The following CDC123 variants were observed in gnomAD, a reference collection of about 807,000 sequenced individuals.
The protein encoded by CDC123 is cell division cycle 123, also known as translation initiation factor eIF2 assembly protein.
CDC123 carries 37 observed loss-of-function variants against 54.4 expected under a neutral mutation model. The ratio of observed to expected loss-of-function variants is 0.68; its 90% CI spans 0.52 to 0.89. CDC123 has a LOEUF of 0.89. CDC123 is among the 40% of genes least tolerant of loss of function. The pLI, the probability that CDC123 is intolerant of heterozygous loss-of-function variation, is 0.00. For missense variants in CDC123, 361 were observed against 412.1 expected (o/e 0.88, Z 1.07); for synonymous variants, 144 against 136.8 (o/e 1.05, Z -0.37).
chr10:12,227,199 G>A (rs1406957699), intron 6 of CDC123, among the ~76,000 whole-genome samples: 1 of 151,832 alleles, frequency 6.6e-6, no homozygotes, highest in Non-Finnish European at 1.5e-5. Context: ...GAGCCGAGAT[G>A]GCGGCACTAC....
At chr10:12,226,033 C>A (rs1426140319) in intron 6 of CDC123, among the ~76,000 whole-genome samples, 9 of 151,992 alleles carry the variant, frequency 5.9e-5, no homozygotes, top group African/African-American at 2.2e-4. Context: ...ATCCATTTAA[C>A]CCTTCGTGGA....
chr10:12,233,278 T>TACACACAC (rs57596982), intron 7 of CDC123, among the ~76,000 whole-genome samples: 21,916 of 145,476 alleles, frequency 0.15, 1,799 homozygotes, highest in Non-Finnish European at 0.19. Context: ...GTATTTAAAA[T>TACACACAC]ACACACACAC....
intron 6 of CDC123, among the ~76,000 whole-genome samples, chr10:12,221,114 T>A (rs1358826673): frequency 6.6e-6 from 1 of 151,788 alleles, no homozygotes; most frequent in East Asian, 1.9e-4. Context: ...TTATGTTGTT[T>A]ATACTATTTT....
intron 5 of CDC123, among the ~76,000 whole-genome samples, chr10:12,217,113 A>G (rs1317354483): frequency 1.3e-5 from 2 of 152,198 alleles, no homozygotes; most frequent in Non-Finnish European, 2.9e-5. Context: ...AACACTGGGA[A>G]GTACTTAGGC....
intron 2 of CDC123, 135 bp from the exon 3 acceptor site, chr10:12,209,832 A>T: frequency 1.3e-6 from 1 of 767,136 alleles, no homozygotes; most frequent in Non-Finnish European, 2.2e-6. Context: ...CCAGAGTGCT[A>T]GGATTACAGG....
At chr10:12,219,689 G>GT (rs1430734040) in intron 6 of CDC123, among the ~76,000 whole-genome samples, 4 of 22,992 alleles carry the variant, frequency 1.7e-4, no homozygotes, top group East Asian at 7.0e-4. Context: ...AACTGATAAT[G>GT]GTTTTTTTTT....
intron 2 of CDC123, among the ~76,000 whole-genome samples, chr10:12,206,423 AGT>A (rs1489790303): frequency 2.6e-5 from 4 of 152,260 alleles, no homozygotes; most frequent in African/African-American, 9.6e-5. Flanking sequence ...ACACGCTGAC[AGT>A]GTGTTAGTAT....
rs1238250507 is a variant in CDC123, at chr10:12,209,960, T to G, written c.147-7T>G. On this transcript the variant is annotated splice_polypyrimidine_tract_variant and splice_region_variant and intron_variant, in intron 2 of 12. Transcript: ENST00000281141. ...TTCTTTCTTGATGTTTGTTTGTGTT[T>G]TTTTAGGGATGATCCACCAACACAT... 1 of 1,614,158 alleles carries G rather than the reference T, an allele frequency of 6.2e-7. No homozygotes were observed. The highest frequency in any genetic ancestry group is 1.1e-5 in the South Asian group (1 of 91,084).
intron 6 of CDC123, among the ~76,000 whole-genome samples, chr10:12,225,340 A>G (rs940709496): frequency 1.3e-5 from 2 of 152,192 alleles, no homozygotes; most frequent in Non-Finnish European, 2.9e-5. Context: ...GGTTGCAGTG[A>G]GCCAAGATCG....
intron 2 of CDC123, among the ~76,000 whole-genome samples, chr10:12,201,730 C>T (rs1485700950): frequency 6.6e-6 from 1 of 152,152 alleles, no homozygotes; most frequent in Non-Finnish European, 1.5e-5. Flanking sequence ...CATTGAAGGG[C>T]TCTGAGCAAG....
At chr10:12,209,143 CT>C (rs979632970) in intron 2 of CDC123, among the ~76,000 whole-genome samples, 1 of 152,116 alleles carries the variant, frequency 6.6e-6, no homozygotes, top group Admixed American at 6.5e-5. Context: ...GCAATGGAGT[CT>C]TTTTTTCCCT....
In CDC123 at chr10:12,246,319, T is replaced by C. The variant is rs781661158; in HGVS notation, c.846+42T>C. 6.2e-6 allele frequency: 10 copies of C among 1,605,500 alleles called. No individual in the cohort carries two copies. The Middle Eastern group carries it at 1.2e-3, about 186-fold the overall frequency. On this transcript the variant is annotated intron_variant, in intron 11 of 12. Coordinates refer to ENST00000281141, the MANE Select transcript of CDC123 (RefSeq NM_006023.3). Reference sequence around the variant, plus strand: ...ACAGATACAATGTAAACCTTTCCAGTCTACTGACTGACTGCTTGTTCTTCA... The same window carrying C: ...ACAGATACAATGTAAACCTTTCCAGCCTACTGACTGACTGCTTGTTCTTCA...
At chr10:12,215,495 A>G (rs1407103474) in intron 4 of CDC123, among the ~76,000 whole-genome samples, 2 of 152,202 alleles carry the variant, frequency 1.3e-5, no homozygotes, top group African/African-American at 4.8e-5. Flanking sequence ...GACTTGTGTC[A>G]TTTCAGCTTT....
At chr10:12,231,019 T>C (rs1231008754) in intron 7 of CDC123, 23 bp downstream of exon 7, 1 of 1,571,144 alleles carries the variant, frequency 6.4e-7, no homozygotes, top group Non-Finnish European at 8.7e-7. Context: ...TTTTCTTTGA[T>C]AATTGTAGAT....
At chr10:12,203,218 A>G (rs1200689254) in intron 2 of CDC123, among the ~76,000 whole-genome samples, 1 of 152,114 alleles carries the variant, frequency 6.6e-6, no homozygotes, top group East Asian at 1.9e-4. Context: ...TCTGCCATGG[A>G]CCCTAATTCT....
chr10:12,200,143 T>TTTTTTTTTTTTTTTTTG (rs1350723293), intron 2 of CDC123, among the ~76,000 whole-genome samples: 2 of 136,786 alleles, frequency 1.5e-5, no homozygotes, highest in Non-Finnish European at 1.6e-5. Flanking sequence ...TTTTTTTTTT[T>TTTTTTTTTTTTTTTTTG]AAAGATGGAG....
chr10:12,250,406 C>A lies in CDC123; in HGVS notation c.*69C>A. 8.2e-7 allele frequency: 1 copy of A among 1,215,760 alleles called. No individual in the cohort carries two copies. Among genetic ancestry groups the A allele is most frequent in the Non-Finnish European group, 1.2e-6 (1 of 817,078 alleles). The allele number at this position is 1,215,760 out of a possible 1,614,324, so 75.3% of individuals were successfully genotyped here. On this transcript the variant is annotated 3_prime_UTR_variant, in exon 13 of 13. Coordinates refer to ENST00000281141, the MANE Select transcript of CDC123 (RefSeq NM_006023.3). ...TCCGGGAGCTGCTCATCAGCCGCAA[C>A]TTCCTGCCGACCCTGATGCGGGTGG... is the stretch of plus-strand genomic sequence containing the variant.
rs199948914 is a variant in CDC123 at position 12,237,207 on chromosome 10, G to A, written c.629G>A (p.Arg210His). The change falls in exon 9 of 13, where the codon CGC (arginine) becomes CAC (histidine). Residue 210 changes from arginine (R) to histidine (H), a missense_variant. Transcript: ENST00000281141. ...ATTTCTAAACAAAAGGAAGAAATTC[G>A]CAGATGCATACAAGACTTTTTCAAG... Reference protein sequence around the residue: ...DHISKQKEEIRRCIQDFFKKH... With the variant: ...DHISKQKEEIHRCIQDFFKKH... The A allele has an allele frequency of 3.2e-5, 51 of 1,589,724 alleles. No individual in the cohort carries two copies. Among genetic ancestry groups the A allele is most frequent in the Non-Finnish European group, 4.1e-5 (48 of 1,171,474 alleles).
At chr10:12,237,901 A>G (rs752652524) in intron 9 of CDC123, among the ~76,000 whole-genome samples, 2 of 152,220 alleles carry the variant, frequency 1.3e-5, no homozygotes, top group Non-Finnish European at 2.9e-5. Flanking sequence ...GTTACAAAGT[A>G]AACATTTGTG....
Sources: allele counts gnomAD v4.1 joint callset (sites outside exome capture counted in the v4.1 genomes callset), GRCh38; gene constraint gnomAD v4.1.1; transcripts MANE v1.5; gene names NCBI Gene and HGNC (gene_info 2026-07-23, HGNC 2026-07-21).